The following RTN2 variants were observed in gnomAD, a reference collection of about 807,000 sequenced individuals.
The protein encoded by RTN2 is reticulon-2.
A neutral mutation model predicts 63.7 loss-of-function variants in RTN2; 36 were observed. The observed-to-expected ratio is 0.56, with a 90% CI of 0.43 to 0.75. RTN2 has a LOEUF of 0.75. Ranked by LOEUF, RTN2 falls within the 30% of genes least tolerant of loss-of-function variation. The pLI, the probability that RTN2 is intolerant of heterozygous loss-of-function variation, is 0.00. For missense variants in RTN2, 673 were observed against 705.1 expected (o/e 0.95, Z 0.52); for synonymous variants, 312 against 313.0 (o/e 1.00, Z 0.03).
chr19:45,488,945 G>A lies in RTN2; in HGVS notation c.1283C>T (p.Thr428Met), dbSNP rs74368484. ...GGTGATCTGGTGGGACAAACGTTCC[G>A]TCTGCTCCCGAGTCAGGGTGAGGTC... Reference protein sequence around the residue: ...DVDLTLTREQTERLSHQITSR... With the variant: ...DVDLTLTREQMERLSHQITSR... Residue 428 changes from threonine (T) to methionine (M), a missense_variant, in exon 7 of 11, where the codon ACG becomes ATG. By Grantham distance (81) the Thr-to-Met change is moderately conservative. Transcript: ENST00000245923. 2.2e-5 allele frequency: 35 copies of A among 1,611,472 alleles called. No homozygotes were observed. The highest frequency in any genetic ancestry group is 3.3e-5 in the South Asian group (3 of 90,410).
In RTN2 at chr19:45,496,847, G is replaced by A; in HGVS notation, c.-22C>T. 2 of 1,461,280 alleles carry A rather than the reference G, an allele frequency of 1.4e-6. No homozygotes were observed. The highest frequency in any genetic ancestry group is 2.8e-5 in the East Asian group (1 of 35,798). 90.5% of individuals were successfully genotyped at this position (1,461,280 alleles called of 1,614,324 possible). On this transcript the variant is annotated 5_prime_UTR_variant, in exon 1 of 11. Coordinates refer to ENST00000245923, the MANE Select transcript of RTN2 (RefSeq NM_005619.5). Reference sequence around the variant, plus strand: ...CCATGGCCCCCCTCGGGCCTGCATCGGGACCCCCGCCCACTCCGGCTGTGC... The same window carrying A: ...CCATGGCCCCCCTCGGGCCTGCATCAGGACCCCCGCCCACTCCGGCTGTGC...
chr19:45,490,730 C>A (rs1431293426), intron 5 of RTN2, among the ~76,000 whole-genome samples: 1 of 150,798 alleles, frequency 6.6e-6, no homozygotes, highest in Non-Finnish European at 1.5e-5. Flanking sequence ...GAGGGCTCCA[C>A]CACACCCGGC....
At chr19:45,492,212 C>T (rs1375505749) in intron 5 of RTN2, among the ~76,000 whole-genome samples, 3 of 152,166 alleles carry the variant, frequency 2.0e-5, no homozygotes, top group African/African-American at 7.2e-5. Context: ...CTAAAACACA[C>T]CTCCTAAACC....
chr19:45,485,646 T>C lies in RTN2; in HGVS notation c.*62A>G. On this transcript the variant is annotated 3_prime_UTR_variant, in exon 11 of 11. Coordinates refer to ENST00000245923, the MANE Select transcript of RTN2 (RefSeq NM_005619.5). ...GGGGTGGGTGGGAACGGACAAGAGA[T>C]GGAGGGGGCCAGAGGGCTGCGGGGG... 7.4e-7 allele frequency: 1 copy of C among 1,345,788 alleles called. No homozygotes were observed. The highest frequency in any genetic ancestry group is 1.5e-5 in the African/African-American group (1 of 68,530). 83.4% of individuals were successfully genotyped at this position (1,345,788 alleles called of 1,614,324 possible).
rs1408799091 is a variant in RTN2 at position 45,493,155 on chromosome 19, CCCA to C, written c.1033+2_1033+4del. The C allele has an allele frequency of 6.2e-7, 1 of 1,611,258 alleles. No individual in the cohort carries two copies. The highest frequency in any genetic ancestry group is 1.3e-5 in the African/African-American group (1 of 74,832). On this transcript the variant is annotated splice_donor_variant and splice_donor_region_variant and intron_variant, in intron 5 of 10. Transcript: ENST00000245923. LOFTEE classifies it high-confidence loss of function. ...GCCCCCGTCCAGCCCGTTCCGCAAG[CCCA>C]CCTTTACTCCCCATATCGGCTCCGA...
chr19:45,491,068 T>C (rs1968147879), intron 5 of RTN2, among the ~76,000 whole-genome samples: 1 of 151,528 alleles, frequency 6.6e-6, no homozygotes, highest in South Asian at 2.1e-4. Context: ...TTGTTATTTT[T>C]AGTTAGAGAT....
intron 1 of RTN2, 108 bp from the exon 2 acceptor site, chr19:45,495,247 C>T (rs1185825954): frequency 3.1e-6 from 4 of 1,289,916 alleles, no homozygotes; most frequent in East Asian, 4.9e-5. Context: ...ATTTTTAGAA[C>T]ATTCTGCACA....
chr19:45,486,837 C>T (rs1166662963), intron 9 of RTN2, among the ~76,000 whole-genome samples: 2 of 148,904 alleles, frequency 1.3e-5, no homozygotes, highest in African/African-American at 2.5e-5. Context: ...CGGGTTCAAG[C>T]GATTCTCCTG....
chr19:45,488,385 C>G lies in RTN2; in HGVS notation c.1497+86G>C. The G allele has an allele frequency of 2.1e-6, 3 of 1,444,118 alleles. No homozygotes were observed. The East Asian group carries it at 6.8e-5, about 33-fold the overall frequency. The allele number at this position is 1,444,118 out of a possible 1,614,324, so 89.5% of individuals were successfully genotyped here. ...GGACACCTGTGTCTGGCCGGGACAT[C>G]TGTCAATGGGACCCCGGTTCTGGAA... On this transcript the variant is annotated intron_variant, in intron 9 of 10. Coordinates refer to ENST00000245923, the MANE Select transcript of RTN2 (RefSeq NM_005619.5).
rs1490295738 is a variant in RTN2, at chr19:45,488,123, A to G, written c.1497+348T>C. On this transcript the variant is annotated intron_variant, in intron 9 of 10. Coordinates refer to ENST00000245923, the MANE Select transcript of RTN2 (RefSeq NM_005619.5). ...CAAAAATTAGCCGGGCACGGTGGCC[A>G]TATGCCTGTAATCCCAGCTACTCAG... is the stretch of plus-strand genomic sequence containing the variant. Among the ~76,000 whole-genome samples the G allele has an allele frequency of 4.6e-5, 7 of 152,042 alleles. No homozygotes were observed. In the East Asian group the frequency reaches 9.7e-4, roughly 21 times the overall value.
intron 5 of RTN2, among the ~76,000 whole-genome samples, chr19:45,490,092 C>T (rs1043692054): frequency 6.6e-6 from 1 of 152,168 alleles, no homozygotes; most frequent in African/African-American, 2.4e-5. Context: ...ACCTCCGCCT[C>T]CCTGGTTCAA....
At position 45,494,376 on chromosome 19, in the gene RTN2, C is replaced by A. The variant is rs1207252544; in HGVS notation, c.604G>T (p.Val202Phe). The A allele has an allele frequency of 6.2e-7, 1 of 1,613,888 alleles. No homozygotes were observed. Residue 202 changes from valine (V) to phenylalanine (F), a missense_variant, in exon 4 of 11, where the codon GTC becomes TTC. Transcript: ENST00000245923. The surrounding 1 kb of genome is among the most constrained non-coding windows in gnomAD (Gnocchi z 5.3). Reference protein sequence around the residue: ...LRLAQPSSPEVLTPQLSPGSG... With the variant: ...LRLAQPSSPEFLTPQLSPGSG... Reference sequence around the variant, plus strand: ...CCCGGACTGAGCTGGGGAGTCAAGACCTCGGGCGATGAGGGCTGAGCAAGT... The same window carrying A: ...CCCGGACTGAGCTGGGGAGTCAAGAACTCGGGCGATGAGGGCTGAGCAAGT...
intron 5 of RTN2, among the ~76,000 whole-genome samples, chr19:45,491,908 C>T (rs1280553855): frequency 6.6e-6 from 1 of 152,050 alleles, no homozygotes; most frequent in East Asian, 1.9e-4. Flanking sequence ...GGATTACAGG[C>T]ATGAGCCACC....
At chr19:45,489,011 C>T (rs747961700) in intron 6 of RTN2, 25 bp from the exon 7 acceptor site, 6 of 1,606,508 alleles carry the variant, frequency 3.7e-6, no homozygotes, top group Non-Finnish European at 5.1e-6. Flanking sequence ...GAGTGTGGGG[C>T]GACTCAGTGG....
chr19:45,493,050 T>G (rs1484814738), intron 5 of RTN2, 110 bp downstream of exon 5: 1 of 1,108,678 alleles, frequency 9.0e-7, no homozygotes, highest in African/African-American at 1.6e-5. Context: ...CCTGCAGCGC[T>G]GCGGAAGCAG....
intron 1 of RTN2, 161 bp downstream of exon 1, chr19:45,496,631 C>T (rs1968276388): frequency 4.6e-6 from 2 of 432,256 alleles, no homozygotes; most frequent in African/African-American, 4.1e-5. Context: ...TCAGGCTACC[C>T]CCGTCGCCGC....
Position 45,494,214 on chromosome 19 carries a change from G to T in RTN2, c.766C>A (p.Leu256Ile). The T allele has an allele frequency of 6.2e-7, 1 of 1,609,842 alleles. No individual in the cohort carries two copies. Among genetic ancestry groups the T allele is most frequent in the Non-Finnish European group, 8.5e-7 (1 of 1,179,978 alleles). Residue 256 changes from leucine to isoleucine, a missense_variant, in exon 4 of 11, where the codon CTC becomes ATC. Leu to Ile is a conservative substitution (Grantham distance 5). Coordinates refer to ENST00000245923, the MANE Select transcript of RTN2 (RefSeq NM_005619.5). The surrounding 1 kb of genome is among the most constrained non-coding windows in gnomAD (Gnocchi z 5.3). Reference protein sequence around the residue: ...LEREPVRGQCLDSTDQLEFTV... With the variant: ...LEREPVRGQCIDSTDQLEFTV... ...AATTCTAATTGGTCCGTGCTATCGA[G>T]GCACTGTCCCCTTACTGGCTCTCGC...
chr19:45,485,920 C>G, intron 10 of RTN2, 131 bp from the exon 11 acceptor site: 1 of 1,148,032 alleles, frequency 8.7e-7, no homozygotes, highest in Non-Finnish European at 1.3e-6. Flanking sequence ...ACCTAGTGGC[C>G]TACATTGGAA....
Position 45,494,442 on chromosome 19 carries a change from G to A in RTN2, c.560-22C>T. Reference sequence around the variant, plus strand: ...AGTTCTGATACGGTAGAGAGAGGAGGCCGTGAGCTTTCTTCTTGGAGGTGC... The same window carrying A: ...AGTTCTGATACGGTAGAGAGAGGAGACCGTGAGCTTTCTTCTTGGAGGTGC... On this transcript the variant is annotated intron_variant, in intron 3 of 10. Coordinates refer to ENST00000245923, the MANE Select transcript of RTN2 (RefSeq NM_005619.5). This position sits in a 1 kb window ranked among gnomAD's most constrained non-coding sequence, Gnocchi z 5.3. 6.2e-7 allele frequency: 1 copy of A among 1,605,426 alleles called. No homozygotes were observed. The highest frequency in any genetic ancestry group is 8.5e-7 in the Non-Finnish European group (1 of 1,173,956).
Sources: allele counts gnomAD v4.1 joint callset (sites outside exome capture counted in the v4.1 genomes callset), GRCh38; gene constraint gnomAD v4.1.1; non-coding constraint Gnocchi (gnomAD v3.1); transcripts MANE v1.5; gene names NCBI Gene and HGNC (gene_info 2026-07-23, HGNC 2026-07-21).